Variants in FSTL4 observed in about 807,000 individuals in gnomAD.
FSTL4 encodes the protein follistatin-related protein 4.
FSTL4 carries 28 observed loss-of-function variants against 78.2 expected under a neutral mutation model. The observed-to-expected ratio is 0.36, with a 90% CI of 0.27 to 0.49. FSTL4 has a LOEUF of 0.49. FSTL4 is among the 20% of genes least tolerant of loss of function. FSTL4 has a pLI of 0.98. For missense variants in FSTL4, 922 were observed against 1,084.9 expected, an observed-to-expected ratio of 0.85 and a Z score of 2.11; for synonymous variants, 422 against 440.5, an observed-to-expected ratio of 0.96 and a Z score of 0.53.
intron 3 of FSTL4, among the ~76,000 whole-genome samples, chr5:133,534,294 A>G (rs1759310203): frequency 6.6e-6 from 1 of 152,198 alleles, no homozygotes; most frequent in Non-Finnish European, 1.5e-5. Context: ...AAAGGTCAGT[A>G]AGAAATTCCC....
At chr5:133,770,159 A>G in the FSTL4 span, among the ~76,000 whole-genome samples, 2 of 152,036 alleles carry the variant, frequency 1.3e-5, no homozygotes, top group African/African-American at 4.8e-5. Flanking sequence ...AGTTGATTCC[A>G]TATCTTTCCT....
intron 3 of FSTL4, among the ~76,000 whole-genome samples, chr5:133,541,987 A>T (rs898201354): frequency 6.6e-5 from 10 of 151,502 alleles, no homozygotes; most frequent in African/African-American, 2.4e-4. Context: ...GATACTTCCA[A>T]CTCCCATCTG....
intron 2 of FSTL4, among the ~76,000 whole-genome samples, 189 bp downstream of exon 2, chr5:133,603,669 C>T (rs925258835): frequency 1.3e-5 from 2 of 152,192 alleles, no homozygotes; most frequent in Non-Finnish European, 2.9e-5. Flanking sequence ...CCATTACTCA[C>T]ATCGTGTTAT....
rs554432676 is a variant in FSTL4 at position 133,553,270 on chromosome 5, C to T, written c.160+13916G>A. 1.4e-4 allele frequency among the ~76,000 whole-genome samples: 21 copies of T among 152,310 alleles called. No individual in the cohort carries two copies. In the South Asian group the frequency reaches 3.1e-3, roughly 23 times the overall value. Reference sequence around the variant, plus strand: ...CATCTTCTCAGTGTCTTGTCTCGGACGTTTCTTTTCCATTTCCCTCTGTCC... The same window carrying T: ...CATCTTCTCAGTGTCTTGTCTCGGATGTTTCTTTTCCATTTCCCTCTGTCC... On this transcript the variant is annotated intron_variant, in intron 3 of 15. Transcript: ENST00000265342.
intron 3 of FSTL4, among the ~76,000 whole-genome samples, chr5:133,495,450 A>G (rs1758350513): frequency 6.6e-6 from 1 of 152,238 alleles, no homozygotes; most frequent in African/African-American, 2.4e-5. Context: ...CTCTAAGGGG[A>G]TGAGCGATAA....
At chr5:133,649,928 C>CAAA in the FSTL4 span, among the ~76,000 whole-genome samples, 1 of 146,272 alleles carries the variant, frequency 6.8e-6, no homozygotes, top group Non-Finnish European at 1.5e-5. Flanking sequence ...TAATTTATCA[C>CAAA]AAAAAAAAAA....
intron 3 of FSTL4, among the ~76,000 whole-genome samples, chr5:133,444,103 T>A (rs1400156835): frequency 1.3e-5 from 2 of 152,214 alleles, no homozygotes; most frequent in Middle Eastern, 3.2e-3. Context: ...GTGACTGCTG[T>A]ATTTCCAGTC....
chr5:133,542,305 G>A (rs1580777862), intron 3 of FSTL4, among the ~76,000 whole-genome samples: 2 of 152,198 alleles, frequency 1.3e-5, no homozygotes, highest in South Asian at 2.1e-4. Context: ...ACTTCTAGTG[G>A]CAAACAAATA....
intron 6 of FSTL4, among the ~76,000 whole-genome samples, chr5:133,277,975 G>A (rs747269625): frequency 6.6e-6 from 1 of 152,186 alleles, no homozygotes; most frequent in African/African-American, 2.4e-5. Context: ...GCTCTTCTGA[G>A]CTCAGTCCCG....
At chr5:133,639,774 C>G in the FSTL4 span, among the ~76,000 whole-genome samples, 22 of 152,268 alleles carry the variant, frequency 1.4e-4, no homozygotes, top group East Asian at 4.1e-3. Context: ...GACAAGCAAG[C>G]TTTTATCCGC....
At chr5:133,382,014 G>A (rs1035024416) in intron 4 of FSTL4, among the ~76,000 whole-genome samples, 7 of 152,188 alleles carry the variant, frequency 4.6e-5, no homozygotes, top group Non-Finnish European at 5.9e-5. Flanking sequence ...TCTACCTTGG[G>A]GTTTTACTCC....
At chr5:133,217,067 T>C (rs898387320) in intron 13 of FSTL4, among the ~76,000 whole-genome samples, 162 bp downstream of exon 13, 2 of 152,268 alleles carry the variant, frequency 1.3e-5, no homozygotes, top group African/African-American at 2.4e-5. Context: ...TTTCCCTACA[T>C]AGTAGACAAT....
intron 7 of FSTL4, among the ~76,000 whole-genome samples, chr5:133,235,854 G>A (rs1253831667): frequency 1.3e-5 from 2 of 152,152 alleles, no homozygotes; most frequent in African/African-American, 4.8e-5. Context: ...AAAAGTTAAT[G>A]ACTAGTCAAT....
chr5:133,441,619 C>T (rs932843732), intron 3 of FSTL4, among the ~76,000 whole-genome samples: 1 of 152,130 alleles, frequency 6.6e-6, no homozygotes, highest in East Asian at 1.9e-4. Flanking sequence ...TACTGAACCC[C>T]GGAAAAGTCC....
intron 4 of FSTL4, among the ~76,000 whole-genome samples, chr5:133,330,323 C>A (rs898980862): frequency 6.6e-6 from 1 of 152,172 alleles, no homozygotes; most frequent in Non-Finnish European, 1.5e-5. Context: ...GCAGGCTGTA[C>A]AGGATGTATA....
chr5:133,791,715 T>C, the FSTL4 span, among the ~76,000 whole-genome samples: 2 of 152,240 alleles, frequency 1.3e-5, no homozygotes, highest in Admixed American at 6.5e-5. Flanking sequence ...CCTGCAGCCT[T>C]GTCCATTCCT....
At chr5:133,663,081 T>C in the FSTL4 span, among the ~76,000 whole-genome samples, 7,441 of 152,158 alleles carry the variant, frequency 0.049, 604 homozygotes, top group African/African-American at 0.17. Context: ...TGCCAGGGAT[T>C]AGAGTTGGGA....
At chr5:133,739,947 C>A in the FSTL4 span, among the ~76,000 whole-genome samples, 2 of 149,096 alleles carry the variant, frequency 1.3e-5, no homozygotes, top group Non-Finnish European at 3.0e-5. Flanking sequence ...GACAGGAGTG[C>A]AATGGTACAA....
At chr5:133,320,862 C>T (rs1754031018) in intron 4 of FSTL4, among the ~76,000 whole-genome samples, 1 of 152,032 alleles carries the variant, frequency 6.6e-6, no homozygotes, top group Non-Finnish European at 1.5e-5. Flanking sequence ...AAAAAATTAG[C>T]CAGGCATGGT....
Sources: allele counts gnomAD v4.1 joint callset (sites outside exome capture counted in the v4.1 genomes callset), GRCh38; gene constraint gnomAD v4.1.1; transcripts MANE v1.5; gene names NCBI Gene and HGNC (gene_info 2026-07-23, HGNC 2026-07-21).